SLC4A4: variants seen among roughly 807,000 people sequenced by gnomAD.
SLC4A4 encodes electrogenic sodium bicarbonate cotransporter 1.
SLC4A4 carries 27 observed loss-of-function variants against 111.5 expected under a neutral mutation model. The ratio of observed to expected loss-of-function variants is 0.24; its 90% CI spans 0.18 to 0.33. SLC4A4 has a LOEUF of 0.33. SLC4A4 is among the 10% of genes least tolerant of loss of function. SLC4A4 has a pLI of 1.00. For synonymous variants in SLC4A4, 443 were observed against 463.4 expected (o/e 0.96, Z 0.57); for missense variants, 909 against 1,315.5 (o/e 0.69, Z 4.78).
chr4:71,539,947 T>G (rs1205157893), intron 18 of SLC4A4, among the ~76,000 whole-genome samples: 1 of 152,184 alleles, frequency 6.6e-6, no homozygotes, highest in East Asian at 1.9e-4. Context: ...TCTCAAAGTG[T>G]GTGCTTATAT....
intron 3 of SLC4A4, among the ~76,000 whole-genome samples, chr4:71,334,997 C>T (rs1728318773): frequency 6.6e-6 from 1 of 152,152 alleles, no homozygotes; most frequent in Non-Finnish European, 1.5e-5. Flanking sequence ...CTAGACTTCT[C>T]CCTTCTAGAA....
chr4:71,337,768 C>G (rs1216421019), intron 3 of SLC4A4, among the ~76,000 whole-genome samples: 2 of 151,536 alleles, frequency 1.3e-5, no homozygotes, highest in Non-Finnish European at 2.9e-5. Context: ...GTGCATGATT[C>G]CCAAACCCTT....
chr4:71,511,257 T>C (rs967934498), intron 16 of SLC4A4, among the ~76,000 whole-genome samples: 6 of 152,160 alleles, frequency 3.9e-5, no homozygotes, highest in Middle Eastern at 3.2e-3. Context: ...TCCTCTTCTT[T>C]TACCCTGAAG....
intron 16 of SLC4A4, among the ~76,000 whole-genome samples, chr4:71,521,475 C>T (rs1324501483): frequency 2.0e-5 from 3 of 152,204 alleles, no homozygotes; most frequent in African/African-American, 4.8e-5. Flanking sequence ...TTCAAACAGT[C>T]GTCCTGCCTC....
chr4:71,404,418 C>T (rs998686305), intron 7 of SLC4A4, among the ~76,000 whole-genome samples: 7 of 152,348 alleles, frequency 4.6e-5, no homozygotes, highest in African/African-American at 1.7e-4. Context: ...TCCGATTGCA[C>T]TGCATCCCTG....
chr4:71,453,749 T>C, intron 12 of SLC4A4, 80 bp downstream of exon 12: 2 of 1,330,706 alleles, frequency 1.5e-6, no homozygotes, highest in East Asian at 2.3e-5. Flanking sequence ...TAGAAGCAGA[T>C]GGCCTTTCAG....
chr4:71,314,813 T>G (rs1726545981), intron 3 of SLC4A4, among the ~76,000 whole-genome samples: 1 of 151,894 alleles, frequency 6.6e-6, no homozygotes, highest in Admixed American at 6.6e-5. Context: ...AAATTCCTAA[T>G]GCATGTGGGG....
At chr4:71,063,113 TAA>T (rs1185972448) in intron 1 of SLC4A4, among the ~76,000 whole-genome samples, 1 of 152,200 alleles carries the variant, frequency 6.6e-6, no homozygotes, top group African/African-American at 2.4e-5. Context: ...ATTAATGCAC[TAA>T]GTTAGATGAA....
At chr4:71,202,070 C>G (rs927929555) in intron 1 of SLC4A4, among the ~76,000 whole-genome samples, 9 of 152,142 alleles carry the variant, frequency 5.9e-5, no homozygotes, top group Admixed American at 5.2e-4. Context: ...AGAAGCTCCT[C>G]GAAGTGTTGG....
intron 3 of SLC4A4, among the ~76,000 whole-genome samples, chr4:71,266,436 A>G (rs529455237): frequency 6.6e-6 from 1 of 152,316 alleles, no homozygotes; most frequent in Admixed American, 6.5e-5. Context: ...TTTGGCTTTT[A>G]GGCAATTGTG....
At chr4:71,351,009 G>T (rs1449488219) in intron 5 of SLC4A4, among the ~76,000 whole-genome samples, 1 of 152,156 alleles carries the variant, frequency 6.6e-6, no homozygotes, top group African/African-American at 2.4e-5. Context: ...TAATACGGCA[G>T]TTTAGGCCAA....
intron 6 of SLC4A4, among the ~76,000 whole-genome samples, chr4:71,392,703 CAT>C (rs1188328290): frequency 1.3e-5 from 2 of 152,032 alleles, no homozygotes; most frequent in Admixed American, 6.6e-5. Flanking sequence ...CAGGAAAGGA[CAT>C]AATCAAAAAA....
intron 2 of SLC4A4, among the ~76,000 whole-genome samples, chr4:71,112,069 A>G (rs1204205653): frequency 6.6e-6 from 1 of 152,228 alleles, no homozygotes; most frequent in Non-Finnish European, 1.5e-5. Context: ...CCTGTGCTAC[A>G]ACCATCTGAG....
intron 1 of SLC4A4, among the ~76,000 whole-genome samples, chr4:71,081,293 T>C (rs1335036582): frequency 6.6e-6 from 1 of 152,120 alleles, no homozygotes; most frequent in East Asian, 1.9e-4. Context: ...TTGTTTTTCA[T>C]TTATTCATGC....
Position 71,070,797 on chromosome 4 carries a change from G to A in SLC4A4, c.-65+8009G>A, listed in dbSNP as rs904585059. 2.0e-5 allele frequency among the ~76,000 whole-genome samples: 3 copies of A among 152,182 alleles called. No individual in the cohort carries two copies. The South Asian group carries it at 6.2e-4, about 32-fold the overall frequency. On this transcript the variant is annotated intron_variant, in intron 1 of 26. Transcript: ENST00000649996. ...TGAACCTAGAGATGTGACTGCAATG[G>A]AAACTGACTTTTAAACCTTGGTGCT...
intron 16 of SLC4A4, among the ~76,000 whole-genome samples, chr4:71,500,597 G>C (rs1730829293): frequency 6.6e-6 from 1 of 152,154 alleles, no homozygotes. Flanking sequence ...CGGGATTACA[G>C]GTGTGAGCCA....
chr4:71,529,492 T>A (rs1733732074), intron 16 of SLC4A4, among the ~76,000 whole-genome samples: 1 of 151,992 alleles, frequency 6.6e-6, no homozygotes. Context: ...ATACATGGGC[T>A]CTCAGTGATG....
chr4:71,386,286 AT>A (rs1049164667), intron 6 of SLC4A4, among the ~76,000 whole-genome samples: 6 of 151,790 alleles, frequency 4.0e-5, no homozygotes, highest in East Asian at 1.9e-4. Context: ...GAATTTTTAA[AT>A]TTTTTTTGGT....
At chr4:71,071,399 G>C (rs1260808039) in intron 1 of SLC4A4, among the ~76,000 whole-genome samples, 1 of 151,902 alleles carries the variant, frequency 6.6e-6, no homozygotes, top group Non-Finnish European at 1.5e-5. Flanking sequence ...ACATTTCCTT[G>C]GTTTCCATAG....
Sources: gnomAD v4.1 joint callset for allele counts (sites outside exome capture counted in the v4.1 genomes callset) on GRCh38, gnomAD v4.1.1 for gene constraint, MANE v1.5 for transcripts, NCBI Gene and HGNC (gene_info 2026-07-23, HGNC 2026-07-21) for gene names.